ANLN: variants seen among roughly 807,000 people sequenced by gnomAD.
The protein encoded by ANLN is anillin.
A neutral mutation model predicts 135.1 loss-of-function variants in ANLN; 59 were observed. That is an observed-to-expected ratio of 0.44 (90% CI 0.35 to 0.54). The LOEUF (loss-of-function observed/expected upper bound fraction) is 0.54. ANLN is among the 20% of genes least tolerant of loss of function. ANLN has a pLI of 0.00. For missense variants in ANLN, 1,182 were observed against 1,340.0 expected, an observed-to-expected ratio of 0.88 and a Z score of 1.84; for synonymous variants, 406 against 456.4, an observed-to-expected ratio of 0.89 and a Z score of 1.41.
At chr7:36,425,260 CAT>C (rs915932383) in intron 17 of ANLN, among the ~76,000 whole-genome samples, 4 of 150,370 alleles carry the variant, frequency 2.7e-5, no homozygotes, top group African/African-American at 9.8e-5. Context: ...CTCAAGGACT[CAT>C]GTGTAATGTA....
chr7:36,432,598 T>A (rs1788376005), intron 20 of ANLN, among the ~76,000 whole-genome samples: 1 of 152,230 alleles, frequency 6.6e-6, no homozygotes, highest in Non-Finnish European at 1.5e-5. Flanking sequence ...ATGTACAGTC[T>A]GTGTAAGTTA....
intron 20 of ANLN, among the ~76,000 whole-genome samples, chr7:36,429,020 C>A (rs1788206039): frequency 6.6e-6 from 1 of 152,056 alleles, no homozygotes; most frequent in Non-Finnish European, 1.5e-5. Flanking sequence ...CTCAAGTGAT[C>A]AGCCCTCCTT....
At chr7:36,423,702 A>T (rs1787970067) in intron 14 of ANLN, 115 bp from the exon 15 acceptor site, 5 of 992,940 alleles carry the variant, frequency 5.0e-6, no homozygotes, top group Non-Finnish European at 6.8e-6. Flanking sequence ...AATTTTAAAA[A>T]TAAATTGTAT....
At chr7:36,436,909 T>C (rs1423931005) in intron 20 of ANLN, among the ~76,000 whole-genome samples, 1 of 152,232 alleles carries the variant, frequency 6.6e-6, no homozygotes, top group East Asian at 1.9e-4. Flanking sequence ...TTGACAAATA[T>C]TTCAAACCAT....
At chr7:36,400,297 A>C (rs1424925872) in intron 3 of ANLN, among the ~76,000 whole-genome samples, 7 of 152,162 alleles carry the variant, frequency 4.6e-5, no homozygotes, top group Non-Finnish European at 8.8e-5. Context: ...GAGCCGATAA[A>C]CCTATAAGGT....
intron 7 of ANLN, among the ~76,000 whole-genome samples, chr7:36,415,293 A>C (rs1787593295): frequency 6.6e-6 from 1 of 152,200 alleles, no homozygotes; most frequent in Non-Finnish European, 1.5e-5. Flanking sequence ...AATTAAATGG[A>C]ATCCTGATGT....
rs1208735626 is a variant in ANLN at position 36,420,636 on chromosome 7, A to G, written c.2055A>G (p.Glu685=). ...GATCTCAAAGATTCAAAGAAACAGA[A>G]CGTCCATCAATAAAGCAGGTGATTG... ...AYRSQRFKET[E]RPSIKQVIVR... The change falls in exon 12 of 24, where the codon GAA becomes GAG. Residue 685 remains glutamate, a synonymous_variant. Transcript: ENST00000265748. The G allele has an allele frequency of 2.5e-6, 4 of 1,613,366 alleles. No individual in the cohort carries two copies. The highest frequency in any genetic ancestry group is 4.5e-5 in the East Asian group (2 of 44,872).
intron 11 of ANLN, 59 bp from the exon 12 acceptor site, chr7:36,420,538 A>C: frequency 6.9e-7 from 1 of 1,444,214 alleles, no homozygotes; most frequent in Non-Finnish European, 9.7e-7. Context: ...TATGTTCAAT[A>C]AAGGATAGTG....
chr7:36,423,405 A>C (rs1451088924), intron 14 of ANLN, among the ~76,000 whole-genome samples: 2 of 152,152 alleles, frequency 1.3e-5, no homozygotes, highest in Non-Finnish European at 2.9e-5. Context: ...GTGAAGAAAT[A>C]GTTTATGTTT....
At position 36,426,308 on chromosome 7, in the gene ANLN, A is replaced by G. The variant is rs189752411; in HGVS notation, c.2770+272A>G. 2.6e-4 allele frequency among the ~76,000 whole-genome samples: 40 copies of G among 151,542 alleles called. No individual in the cohort carries two copies. The South Asian group carries it at 6.0e-3, about 23-fold the overall frequency. ...GGCATTACTCTTTACTTCAACTTCT[A>G]TTGTTCTATAGATTTGTTTTGTGCT... On this transcript the variant is annotated intron_variant, in intron 19 of 23. Transcript: ENST00000265748.
Position 36,406,204 on chromosome 7 carries a change from T to C in ANLN, c.511T>C (p.Phe171Leu), listed in dbSNP as rs2116572822. 1 of 1,606,524 alleles carries C rather than the reference T, an allele frequency of 6.2e-7. No homozygotes were observed. The highest frequency in any genetic ancestry group is 2.2e-5 in the East Asian group (1 of 44,680). ...MTDDIPESSL[F>L]SPMPSEEKAA... ...AGATGACATTCCTGAAAGCTCACTC[T>C]TCTCACCAATGCCATCAGAGGAAAA... Residue 171 changes from phenylalanine to leucine, a missense_variant, in exon 4 of 24, where the codon TTC becomes CTC. Around this residue, in one of 3 missense-constraint regions of ANLN, gnomAD observed 1,022 missense variants for 1,134.0 expected, o/e 0.90. Coordinates refer to ENST00000265748, the MANE Select transcript of ANLN (RefSeq NM_018685.5).
intron 8 of ANLN, 102 bp downstream of exon 8, chr7:36,415,986 C>T (rs967696659): frequency 1.1e-5 from 12 of 1,057,096 alleles, no homozygotes; most frequent in South Asian, 5.7e-5. Context: ...TTTGTTCTAA[C>T]GTTTTTTGGG....
chr7:36,399,090 A>G lies in ANLN; in HGVS notation c.184A>G (p.Thr62Ala). The stretch of plus-strand genomic sequence containing the variant: ...CGTTTTTAATGTAGAGAAATCTTGT[A>G]CAAAACCATCGCCATCAAAAAAACG... ...PLSGGEEKSCTKPSPSKKRCS... is the reference protein window; with the variant it reads ...PLSGGEEKSCAKPSPSKKRCS... Residue 62 changes from threonine to alanine, a missense_variant, in exon 3 of 24, where the codon ACA (threonine) becomes GCA (alanine). By Grantham distance (58) the Thr-to-Ala change is moderately conservative (BLOSUM62 0). Around this residue, in one of 3 missense-constraint regions of ANLN, gnomAD observed 1,022 missense variants for 1,134.0 expected, o/e 0.90. Transcript: ENST00000265748. 6.2e-6 allele frequency: 10 copies of G among 1,606,222 alleles called. No individual in the cohort carries two copies. The highest frequency in any genetic ancestry group is 7.7e-6 in the Non-Finnish European group (9 of 1,175,950).
chr7:36,447,773 A>G (rs1028853598), intron 22 of ANLN, among the ~76,000 whole-genome samples: 3 of 152,152 alleles, frequency 2.0e-5, no homozygotes, highest in African/African-American at 7.2e-5. Flanking sequence ...AGATTACATC[A>G]TGCTGCTTAG....
intron 2 of ANLN, among the ~76,000 whole-genome samples, chr7:36,398,530 CTG>C (rs1416771667): frequency 6.6e-6 from 1 of 152,174 alleles, no homozygotes; most frequent in African/African-American, 2.4e-5. Context: ...CTTTCTTATT[CTG>C]TGTGTATGCA....
rs17170593 is a variant in ANLN, at chr7:36,452,202, G to A, written c.3252-275G>A. 0.12 allele frequency among the ~76,000 whole-genome samples: 17,844 copies of A among 152,120 alleles called. 1,093 individuals are homozygous for A. The highest frequency in any genetic ancestry group is 0.19 in the East Asian group (998 of 5,168). ...CCTATACCATCAGGTTACCCAGGCC[G>A]CACACTACCTGTATAAAACACCTGT... On this transcript the variant is annotated intron_variant, in intron 23 of 23. Coordinates refer to ENST00000265748, the MANE Select transcript of ANLN (RefSeq NM_018685.5).
At chr7:36,421,792 A>C (rs1188308924) in intron 12 of ANLN, 65 bp from the exon 13 acceptor site, 2 of 1,446,108 alleles carry the variant, frequency 1.4e-6, no homozygotes, top group Non-Finnish European at 1.9e-6. Flanking sequence ...GTTAGAATTA[A>C]AATTTAAAGT....
In ANLN at chr7:36,420,653, AG is replaced by A; in HGVS notation, c.2074del (p.Val692Ter). On this transcript the variant is annotated frameshift_variant, in exon 12 of 24. Coordinates refer to ENST00000265748, the MANE Select transcript of ANLN (RefSeq NM_018685.5). LOFTEE classifies it high-confidence loss of function. ...FKETERPSIK[Q>X]VIVRKEDVTS... ...GAAACAGAACGTCCATCAATAAAGC[AG>A]GTGATTGTTCGGAAGGAAGATGTTA... is the stretch of plus-strand genomic sequence containing the variant. The A allele has an allele frequency of 6.2e-7, 1 of 1,613,230 alleles. No homozygotes were observed. Among genetic ancestry groups the A allele is most frequent in the Non-Finnish European group, 8.5e-7 (1 of 1,179,152 alleles).
At chr7:36,427,187 ATGT>A (rs1788115642) in intron 20 of ANLN, among the ~76,000 whole-genome samples, 159 bp downstream of exon 20, 3 of 144,566 alleles carry the variant, frequency 2.1e-5, no homozygotes, top group African/African-American at 7.8e-5. Context: ...GTGTACCTAA[ATGT>A]TTTTTTTTTT....
Sources: allele counts gnomAD v4.1 joint callset (sites outside exome capture counted in the v4.1 genomes callset), GRCh38; gene constraint gnomAD v4.1.1; regional missense constraint gnomAD v4.1.1; transcripts MANE v1.5; gene names NCBI Gene and HGNC (gene_info 2026-07-23, HGNC 2026-07-21).